ZNF385D: variants seen among roughly 807,000 people sequenced by gnomAD.
ZNF385D encodes the protein zinc finger protein 659.
ZNF385D carries 15 observed loss-of-function variants against 35.8 expected under a neutral mutation model. The observed-to-expected ratio is 0.42, with a 90% confidence interval of 0.28 to 0.64. The LOEUF is 0.64. Among genes scored for constraint, ZNF385D ranks in the 30% least tolerant of loss-of-function variants. ZNF385D has a pLI of 0.23. For missense variants in ZNF385D, 474 were observed against 494.6 expected (o/e 0.96, Z 0.39); for synonymous variants, 212 against 186.8 (o/e 1.13, Z -1.10).
intron 2 of ZNF385D, among the ~76,000 whole-genome samples, chr3:22,268,088 T>G (rs2728994): frequency 1 from 151,982 of 151,990 alleles, 75,987 homozygotes; most frequent in Middle Eastern, 1. Context: ...TTCAGGTTGT[T>G]CTAAGTAATT....
intron 3 of ZNF385D, among the ~76,000 whole-genome samples, chr3:22,146,866 C>A (rs1407975187): frequency 6.6e-6 from 1 of 152,120 alleles, no homozygotes; most frequent in African/African-American, 2.4e-5. Context: ...TCTAAAATTT[C>A]TCCTAAGTTC....
intron 3 of ZNF385D, among the ~76,000 whole-genome samples, chr3:21,545,709 T>A (rs2062348108): frequency 1.3e-5 from 2 of 152,216 alleles, no homozygotes; most frequent in Admixed American, 6.5e-5. Context: ...AGGAGTCAAG[T>A]TCGACTTACA....
chr3:21,726,573 A>T (rs561530498), intron 1 of ZNF385D, among the ~76,000 whole-genome samples: 1 of 152,286 alleles, frequency 6.6e-6, no homozygotes, highest in African/African-American at 2.4e-5. Context: ...TCTCATTCAC[A>T]ATTGCTACTA....
intron 3 of ZNF385D, among the ~76,000 whole-genome samples, chr3:21,951,453 C>T (rs675415): frequency 0.26 from 39,640 of 151,230 alleles, 6,213 homozygotes; most frequent in Admixed American, 0.41. Context: ...GGGGCTGAGA[C>T]GATCGGGTAT....
rs1700977570 is a variant in ZNF385D at position 21,425,478 on chromosome 3, T to G, written c.852+14A>C. On this transcript the variant is annotated intron_variant, in intron 6 of 7. Transcript: ENST00000281523. The stretch of plus-strand genomic sequence containing the variant: ...CCCTTGTTGGTTTTCATTCCTAGAA[T>G]ACGTGCTGTTTACCTGTTTAAGTTG... The G allele has an allele frequency of 6.4e-7, 1 of 1,571,322 alleles. No homozygotes were observed. The highest frequency in any genetic ancestry group is 1.2e-5 in the South Asian group (1 of 84,962).
chr3:22,212,878 CTAATT>C (rs1429243551), intron 2 of ZNF385D, among the ~76,000 whole-genome samples: 2 of 151,778 alleles, frequency 1.3e-5, no homozygotes, highest in Non-Finnish European at 2.9e-5. Context: ...TTTCAAGACA[CTAATT>C]TAAGATGCAC....
At chr3:21,784,363 CT>C (rs1040843459) in intron 3 of ZNF385D, among the ~76,000 whole-genome samples, 3 of 151,816 alleles carry the variant, frequency 2.0e-5, no homozygotes, top group South Asian at 2.1e-4. Flanking sequence ...CTTTAACCAT[CT>C]TTTTTTTGGC....
intron 2 of ZNF385D, among the ~76,000 whole-genome samples, chr3:21,600,504 A>AATT (rs2064253301): frequency 6.6e-6 from 1 of 152,220 alleles, no homozygotes; most frequent in Non-Finnish European, 1.5e-5. Flanking sequence ...GTCTTAATTA[A>AATT]AACAAGAAAA....
chr3:21,866,961 C>G (rs1291305), intron 3 of ZNF385D, among the ~76,000 whole-genome samples: 1 of 151,990 alleles, frequency 6.6e-6, no homozygotes, highest in African/African-American at 2.4e-5. Flanking sequence ...ACCCAATACC[C>G]ATTATCTTAG....
chr3:22,194,620 ACAC>A (rs1696281948), intron 2 of ZNF385D, among the ~76,000 whole-genome samples: 3 of 151,888 alleles, frequency 2.0e-5, no homozygotes, highest in Admixed American at 1.3e-4. Flanking sequence ...AGCACATAAA[ACAC>A]CACATCACCC....
intron 4 of ZNF385D, among the ~76,000 whole-genome samples, chr3:21,492,306 T>A (rs1705480484): frequency 6.6e-6 from 1 of 151,440 alleles, no homozygotes; most frequent in Non-Finnish European, 1.5e-5. Flanking sequence ...TAAAAACCAA[T>A]AGCTAAATTG....
intron 4 of ZNF385D, among the ~76,000 whole-genome samples, chr3:21,498,358 A>C (rs1281784303): frequency 2.0e-5 from 3 of 152,208 alleles, no homozygotes; most frequent in South Asian, 2.1e-4. Context: ...ACAAAAAAAA[A>C]ATTTGACAAA....
rs534449688 is a variant in ZNF385D at position 22,348,607 on chromosome 3, G to C, written c.106+23843C>G. On this transcript the variant is annotated intron_variant, in intron 2 of 5. Coordinates refer to the ZNF385D transcript ENST00000494108. ...TGAACCCCGGGAGGTGGAAGTTGCG[G>C]TGAGCCGAGATCACGCCATTGCACT... Among the ~76,000 whole-genome samples the C allele has an allele frequency of 1.3e-3, 201 of 150,008 alleles. 1 individual carries two copies. The highest frequency in any genetic ancestry group is 2.4e-3 in the Non-Finnish European group (165 of 67,354).
chr3:22,085,647 A>C (rs1700991543), intron 3 of ZNF385D, among the ~76,000 whole-genome samples: 1 of 152,234 alleles, frequency 6.6e-6, no homozygotes, highest in Non-Finnish European at 1.5e-5. Context: ...TACCAGAGGT[A>C]CAAAGAGGAG....
At chr3:22,121,662 A>G (rs953584984) in intron 3 of ZNF385D, among the ~76,000 whole-genome samples, 1 of 145,410 alleles carries the variant, frequency 6.9e-6, no homozygotes, top group East Asian at 2.0e-4. Context: ...GAAGTTGTTG[A>G]ATGATGTGAT....
intron 4 of ZNF385D, among the ~76,000 whole-genome samples, chr3:21,438,145 A>G (rs1372427726): frequency 2.0e-5 from 3 of 152,156 alleles, no homozygotes; most frequent in African/African-American, 7.2e-5. Context: ...TATGCCAATC[A>G]CTGTTACGTT....
Position 21,674,660 on chromosome 3 carries a change from A to G in ZNF385D, c.23-9632T>C, listed in dbSNP as rs376046423. Among the ~76,000 whole-genome samples the G allele has an allele frequency of 3.3e-5, 5 of 152,024 alleles. No homozygotes were observed. In the East Asian group the frequency reaches 9.7e-4, roughly 29 times the overall value. ...TGGTGCAGGATGCAGCTCAAACACG[A>G]GTTACTCTATTCAGTATTTCCTGGA... is the stretch of plus-strand genomic sequence containing the variant. On this transcript the variant is annotated intron_variant, in intron 1 of 7. Transcript: ENST00000281523.
At position 21,660,118 on chromosome 3, in the gene ZNF385D, T is replaced by A. The variant is rs2066192853; in HGVS notation, c.165+4768A>T. On this transcript the variant is annotated intron_variant, in intron 2 of 7. Coordinates refer to ENST00000281523, the MANE Select transcript of ZNF385D (RefSeq NM_024697.3). ...TGATCTCTCTCTCTCTCTGTCTCTC[T>A]CTCTTTATCCCCCTCTCTTCCCCAC... is the stretch of plus-strand genomic sequence containing the variant. 2.0e-5 allele frequency among the ~76,000 whole-genome samples: 3 copies of A among 152,202 alleles called. No individual in the cohort carries two copies. In the South Asian group the frequency reaches 6.2e-4, roughly 32 times the overall value.
exon 2 of ZNF385D, chr3:22,372,529 G>T: frequency 1.0e-6 from 1 of 985,754 alleles, no homozygotes; most frequent in Non-Finnish European, 1.2e-6. Flanking sequence ...TCCTGCTGGC[G>T]GCCGCCCGGC....
Sources: gnomAD v4.1 joint callset for allele counts (sites outside exome capture counted in the v4.1 genomes callset) on GRCh38, gnomAD v4.1.1 for gene constraint, MANE v1.5 for transcripts, NCBI Gene and HGNC (gene_info 2026-07-23, HGNC 2026-07-21) for gene names.